WWOX: variants seen among roughly 807,000 people sequenced by gnomAD.
WWOX encodes the protein WW domain containing oxidoreductase.
In WWOX, 69 loss-of-function variants were observed where a neutral mutation model predicts 46.2. That is an observed-to-expected ratio of 1.49 (90% CI 1.23 to 1.82). The LOEUF is 1.82. WWOX is among the 40% of genes most tolerant of loss of function. The probability of loss-of-function intolerance (pLI) is 0.00; values close to 1 mark genes in which losing one functional copy is unlikely to be tolerated. For synonymous variants in WWOX, 359 were observed against 202.6 expected (o/e 1.77, Z -6.56); for missense variants, 919 against 542.6 (o/e 1.69, Z -6.89).
intron 8 of WWOX, among the ~76,000 whole-genome samples, chr16:79,117,270 C>T (rs1219271982): frequency 6.6e-6 from 1 of 152,102 alleles, no homozygotes; most frequent in African/African-American, 2.4e-5. Context: ...CAGCCTCCCA[C>T]AGTGCCACAA....
At chr16:78,353,769 C>G (rs1324751724) in intron 5 of WWOX, among the ~76,000 whole-genome samples, 1 of 127,758 alleles carries the variant, frequency 7.8e-6, no homozygotes, top group Non-Finnish European at 1.9e-5. Flanking sequence ...CTCAGAGCCA[C>G]ATCACCTGCA....
At chr16:78,198,804 A>G (rs1426937000) in intron 5 of WWOX, among the ~76,000 whole-genome samples, 1 of 152,044 alleles carries the variant, frequency 6.6e-6, no homozygotes, top group African/African-American at 2.4e-5. Context: ...ATATATATGC[A>G]TTCACACACA....
chr16:78,136,503 C>A (rs2033795238), intron 4 of WWOX, among the ~76,000 whole-genome samples: 1 of 152,102 alleles, frequency 6.6e-6, no homozygotes, highest in Non-Finnish European at 1.5e-5. Context: ...TCTTTCAAAT[C>A]TAGAGGACAA....
intron 6 of WWOX, among the ~76,000 whole-genome samples, chr16:78,422,577 C>A (rs1038693321): frequency 6.8e-6 from 1 of 147,348 alleles, no homozygotes; most frequent in Non-Finnish European, 1.5e-5. Flanking sequence ...GAATACTGGG[C>A]TCAAGTGATT....
chr16:79,017,043 A>G (rs2047428366), intron 8 of WWOX: 1 of 152,248 alleles, frequency 6.6e-6, no homozygotes, highest in African/African-American at 2.4e-5. Context: ...GAATAATATG[A>G]GCACTGAGTG....
At chr16:78,768,512 C>G (rs1014276796) in intron 8 of WWOX, among the ~76,000 whole-genome samples, 2 of 151,350 alleles carry the variant, frequency 1.3e-5, no homozygotes, top group South Asian at 2.1e-4. Flanking sequence ...ATCACTTGAA[C>G]TTGGGAGGCA....
intron 8 of WWOX, among the ~76,000 whole-genome samples, chr16:78,677,620 C>T (rs1392021763): frequency 1.3e-5 from 2 of 152,336 alleles, no homozygotes; most frequent in African/African-American, 2.4e-5. Flanking sequence ...ACCTGACTTT[C>T]ACCTTTTATG....
intron 8 of WWOX, among the ~76,000 whole-genome samples, chr16:78,989,318 A>G (rs1299552013): frequency 6.6e-6 from 1 of 152,174 alleles, no homozygotes; most frequent in Non-Finnish European, 1.5e-5. Context: ...AGCTAAATAC[A>G]TTAGCTTATA....
chr16:78,771,861 C>G (rs1057170520), intron 8 of WWOX, among the ~76,000 whole-genome samples: 6 of 151,844 alleles, frequency 4.0e-5, no homozygotes, highest in African/African-American at 1.2e-4. Context: ...CAGTCTAGCT[C>G]TCTCACAAAA....
At chr16:78,955,462 G>C (rs747706872) in intron 8 of WWOX, among the ~76,000 whole-genome samples, 14 of 152,232 alleles carry the variant, frequency 9.2e-5, no homozygotes, top group Non-Finnish European at 1.8e-4. Flanking sequence ...ATTTTTACTG[G>C]AGCATGTGAG....
chr16:78,380,753 A>T (rs1360553364), intron 5 of WWOX, among the ~76,000 whole-genome samples: 1 of 152,170 alleles, frequency 6.6e-6, no homozygotes, highest in African/African-American at 2.4e-5. Flanking sequence ...CACTTCACAG[A>T]GGAGCAAACT....
chr16:79,105,511 T>A (rs898796581), intron 8 of WWOX, among the ~76,000 whole-genome samples: 3 of 152,218 alleles, frequency 2.0e-5, no homozygotes, highest in African/African-American at 7.2e-5. Flanking sequence ...TATCAATATC[T>A]ATATTTAAAT....
intron 3 of WWOX, among the ~76,000 whole-genome samples, chr16:78,110,155 C>T (rs1079570): frequency 0.12 from 17,776 of 151,636 alleles, 1,251 homozygotes; most frequent in South Asian, 0.21. Context: ...TTCTGGCCAA[C>T]ATGGTGAAAC....
chr16:79,076,746 C>A (rs1260017195), intron 8 of WWOX, among the ~76,000 whole-genome samples: 1 of 152,230 alleles, frequency 6.6e-6, no homozygotes, highest in Non-Finnish European at 1.5e-5. Flanking sequence ...TTGGTAACAT[C>A]TTCTTGCTCA....
At chr16:79,027,098 G>A (rs1567497110) in intron 8 of WWOX, among the ~76,000 whole-genome samples, 1 of 151,354 alleles carries the variant, frequency 6.6e-6, no homozygotes, top group Non-Finnish European at 1.5e-5. Flanking sequence ...TTGGCAACAT[G>A]GTGAGACCCC....
At chr16:78,907,018 G>A (rs953720241) in intron 8 of WWOX, among the ~76,000 whole-genome samples, 3 of 152,192 alleles carry the variant, frequency 2.0e-5, no homozygotes, top group African/African-American at 7.2e-5. Context: ...TATCTAGACA[G>A]GGGAATTGCA....
intron 8 of WWOX, among the ~76,000 whole-genome samples, chr16:79,106,932 C>A (rs1190878037): frequency 6.6e-6 from 1 of 150,966 alleles, no homozygotes; most frequent in African/African-American, 2.4e-5. Context: ...CTCAGCCTCT[C>A]GAGTAGCTGG....
At chr16:78,646,781 C>T (rs1032556140) in intron 8 of WWOX, among the ~76,000 whole-genome samples, 1 of 152,192 alleles carries the variant, frequency 6.6e-6, no homozygotes, top group Admixed American at 6.5e-5. Context: ...AGAACTAGAA[C>T]ATAAGCTCTC....
intron 5 of WWOX, among the ~76,000 whole-genome samples, chr16:78,206,290 A>G (rs1432220607): frequency 6.6e-6 from 1 of 152,148 alleles, no homozygotes; most frequent in East Asian, 1.9e-4. Context: ...ATTGAAATAT[A>G]CTTTATTTCT....
Sources: gnomAD v4.1 joint callset for allele counts (sites outside exome capture counted in the v4.1 genomes callset) on GRCh38, gnomAD v4.1.1 for gene constraint, MANE v1.5 for transcripts, NCBI Gene and HGNC (gene_info 2026-07-23, HGNC 2026-07-21) for gene names.